Variants in TECPR1 observed in about 807,000 individuals in gnomAD.
TECPR1 encodes the protein tectonin beta-propeller repeat-containing protein 1.
Under a neutral mutation model 162.4 loss-of-function variants are expected in TECPR1, and 122 were observed. That is an observed-to-expected ratio of 0.75 (90% confidence interval 0.65 to 0.87). TECPR1 has a LOEUF of 0.87. Ranked by LOEUF, TECPR1 falls within the 40% of genes least tolerant of loss-of-function variation. The pLI is 0.00. For synonymous variants in TECPR1, 642 were observed against 670.6 expected, an observed-to-expected ratio of 0.96 and a Z score of 0.66; for missense variants, 1,432 against 1,618.2, an observed-to-expected ratio of 0.88 and a Z score of 1.97.
chr7:98,245,076 CG>C lies in TECPR1; in HGVS notation c.226-10del. On this transcript the variant is annotated splice_polypyrimidine_tract_variant and intron_variant, in intron 3 of 25. Coordinates refer to ENST00000447648, the MANE Select transcript of TECPR1 (RefSeq NM_015395.3). ...CCCATGGGATTCCAGCGCTGAGGGC[CG>C]GGGACACAGAGGCGGCCTTGGACCC... is the stretch of plus-strand genomic sequence containing the variant. The C allele has an allele frequency of 6.4e-7, 1 of 1,571,022 alleles. No homozygotes were observed. The highest frequency in any genetic ancestry group is 8.6e-7 in the Non-Finnish European group (1 of 1,159,148).
chr7:98,238,390 A>T (rs940487547), intron 9 of TECPR1, 119 bp downstream of exon 9: 1 of 805,410 alleles, frequency 1.2e-6, no homozygotes, highest in Non-Finnish European at 2.1e-6. Context: ...CTTCTTGCTC[A>T]GTACAATGGA....
intron 2 of TECPR1, among the ~76,000 whole-genome samples, chr7:98,249,037 C>T (rs1393977849): frequency 6.6e-6 from 1 of 151,940 alleles, no homozygotes; most frequent in Non-Finnish European, 1.5e-5. Flanking sequence ...TACAGACCTG[C>T]ACCACCACAT....
Position 98,232,456 on chromosome 7 carries a change from C to A in TECPR1, c.1818+371G>T, listed in dbSNP as rs1439412772. On this transcript the variant is annotated intron_variant, in intron 12 of 25. Transcript: ENST00000447648. The surrounding 1 kb of genome is among the most constrained non-coding windows in gnomAD (Gnocchi z 4.6). ...GTCAGCCCAGGGGTGGGGTCTCCGG[C>A]CGCCCTCTGTGCTAACTCCTTGCAA... Among the ~76,000 whole-genome samples, 1 of 151,950 alleles carries A rather than the reference C, an allele frequency of 6.6e-6. No homozygotes were observed. Among genetic ancestry groups the A allele is most frequent in the Non-Finnish European group, 1.5e-5 (1 of 67,976 alleles).
chr7:98,241,208 C>G lies in TECPR1; in HGVS notation c.694G>C (p.Glu232Gln). The G allele has an allele frequency of 6.2e-7, 1 of 1,612,820 alleles. No individual in the cohort carries two copies. The highest frequency in any genetic ancestry group is 8.5e-7 in the Non-Finnish European group (1 of 1,179,818). The change falls in exon 7 of 26, where the codon GAA becomes CAA. Residue 232 changes from glutamate (E) to glutamine (Q), a missense_variant. By Grantham distance (29) the Glu-to-Gln change is conservative. Transcript: ENST00000447648. The surrounding 1 kb of genome is among the most constrained non-coding windows in gnomAD (Gnocchi z 5.0). ...TCCAGCAGGGACCAGGAGGACCCTT[C>G]GGGGTTGGAGTGGCTGACGTCCTCT... ...YREDVSHSNP[E>Q]GSSWSLLDTP...
At position 98,222,862 on chromosome 7, in the gene TECPR1, G is replaced by A. The variant is rs1207793082; in HGVS notation, c.2928+128C>T. 8 of 1,287,248 alleles carry A rather than the reference G, an allele frequency of 6.2e-6. No individual in the cohort carries two copies. In the South Asian group the frequency reaches 7.9e-5, roughly 13 times the overall value. The allele number at this position is 1,287,248 out of a possible 1,614,324, so 79.7% of individuals were successfully genotyped here. A position where few individuals can be genotyped will look rare whatever the true frequency, so the allele number is the denominator to read the frequency against. On this transcript the variant is annotated intron_variant, in intron 21 of 25. Coordinates refer to ENST00000447648, the MANE Select transcript of TECPR1 (RefSeq NM_015395.3). ...CCTGGGCCAACTGCCCCAGGGCACA[G>A]GGACCCACTCGGACCACAGGCAGTG...
At chr7:98,243,757 G>A (rs537490329) in intron 5 of TECPR1, among the ~76,000 whole-genome samples, 165 bp from the exon 6 acceptor site, 78 of 152,270 alleles carry the variant, frequency 5.1e-4, no homozygotes, top group African/African-American at 1.7e-3. Context: ...GCCCCTGCCC[G>A]GCTAATTTTT....
intron 15 of TECPR1, among the ~76,000 whole-genome samples, chr7:98,229,633 C>T (rs987189183): frequency 2.7e-5 from 4 of 150,816 alleles, no homozygotes; most frequent in Non-Finnish European, 5.9e-5. Context: ...AGGGTGTCAG[C>T]GGGAGGCGGT....
intron 23 of TECPR1, among the ~76,000 whole-genome samples, chr7:98,220,022 G>A (rs1798104336): frequency 6.7e-6 from 1 of 150,372 alleles, no homozygotes; most frequent in Non-Finnish European, 1.5e-5. Flanking sequence ...CTTTATTTCT[G>A]CAAGACTGGC....
At chr7:98,222,278 G>A in intron 22 of TECPR1, 108 bp downstream of exon 22, 1 of 1,431,150 alleles carries the variant, frequency 7.0e-7, no homozygotes, top group Admixed American at 2.3e-5. Flanking sequence ...TCCCACTTCT[G>A]GGGGAAGTCC....
Position 98,217,995 on chromosome 7 carries a change from A to G in TECPR1, c.3205T>C (p.Ser1069Pro). Reference protein sequence around the residue: ...QGITPSYPQGSSWEHVSNNVC... With the variant: ...QGITPSYPQGPSWEHVSNNVC... ...TTGTTGGACACGTGCTCCCAGCTGG[A>G]GCCCTGCGGGTAGCTGGGCGTGATC... is the stretch of plus-strand genomic sequence containing the variant. The change falls in exon 24 of 26, where the codon TCC (serine) becomes CCC (proline). Residue 1069 changes from serine to proline, a missense_variant. Physicochemically the swap from Ser to Pro is moderately conservative, Grantham distance 74 (BLOSUM62 -1). Transcript: ENST00000447648. 6.4e-7 allele frequency: 1 copy of G among 1,567,948 alleles called. No homozygotes were observed. The highest frequency in any genetic ancestry group is 1.2e-5 in the South Asian group (1 of 85,044).
rs919587801 is a variant in TECPR1, at chr7:98,232,081, G to A, written c.1819-122C>T. ...GGGGTAGGGCCCACCCAGCACTCCCGGCTGTCAGCCCAGCTCCCCCTATGC... is the reference window on the plus strand; with the variant it reads ...GGGGTAGGGCCCACCCAGCACTCCCAGCTGTCAGCCCAGCTCCCCCTATGC... On this transcript the variant is annotated intron_variant, in intron 12 of 25. Transcript: ENST00000447648. The surrounding 1 kb of genome is among the most constrained non-coding windows in gnomAD (Gnocchi z 4.6). 8 of 1,053,500 alleles carry A rather than the reference G, an allele frequency of 7.6e-6. No individual in the cohort carries two copies. The highest frequency in any genetic ancestry group is 1.5e-5 in the South Asian group (1 of 65,556). 65.3% of individuals were successfully genotyped at this position (1,053,500 alleles called of 1,614,324 possible).
rs1173499963 is a variant in TECPR1, at chr7:98,221,664, T to C, written c.3154A>G (p.Asn1052Asp). 3.7e-6 allele frequency: 6 copies of C among 1,612,446 alleles called. No homozygotes were observed. Among genetic ancestry groups the C allele is most frequent in the Non-Finnish European group, 5.1e-6 (6 of 1,179,682 alleles). ...GQTSVYALDENGNLWYRQGIT... is the reference protein window; with the variant it reads ...GQTSVYALDEDGNLWYRQGIT... ...ATTTAAAAAAAGAGCAACTTGCCAT[T>C]CTCATCCAGGGCATACACCGACGTC... Residue 1052 changes from asparagine (N) to aspartate (D), a missense_variant, in exon 23 of 26, where the codon AAT (asparagine) becomes GAT (aspartate). By Grantham distance (23) the Asn-to-Asp change is conservative. Transcript: ENST00000447648.
At position 98,232,704 on chromosome 7, in the gene TECPR1, GGGC is replaced by G. The variant is rs1798476011; in HGVS notation, c.1818+120_1818+122del. 1 of 1,268,662 alleles carries G rather than the reference GGGC, an allele frequency of 7.9e-7. No individual in the cohort carries two copies. Among genetic ancestry groups the G allele is most frequent in the Admixed American group, 2.8e-5 (1 of 35,700 alleles). 78.6% of individuals were successfully genotyped at this position (1,268,662 alleles called of 1,614,324 possible). On this transcript the variant is annotated intron_variant, in intron 12 of 25. Coordinates refer to ENST00000447648, the MANE Select transcript of TECPR1 (RefSeq NM_015395.3). The surrounding 1 kb of genome is among the most constrained non-coding windows in gnomAD (Gnocchi z 4.6). The stretch of plus-strand genomic sequence containing the variant: ...AGCTCATTTCTCTATGCCTGCATCT[GGGC>G]GGGAGACCAGGGGATGGAGGCATCT...
chr7:98,218,105 C>A lies in TECPR1; in HGVS notation c.3158-63G>T, dbSNP rs1798061000. ...TTCCCGGCCCCTCCTGCCCGTGCGGCCCGGCAGCCGGTGGCCAGGCCCCGC... is the reference window on the plus strand; with the variant it reads ...TTCCCGGCCCCTCCTGCCCGTGCGGACCGGCAGCCGGTGGCCAGGCCCCGC... On this transcript the variant is annotated intron_variant, in intron 23 of 25. Transcript: ENST00000447648. 20 of 1,398,298 alleles carry A rather than the reference C, an allele frequency of 1.4e-5. No individual in the cohort carries two copies. In the South Asian group the frequency reaches 2.6e-4, roughly 18 times the overall value. 86.6% of individuals were successfully genotyped at this position (1,398,298 alleles called of 1,614,324 possible).
chr7:98,234,380 C>A (rs1798536395), intron 10 of TECPR1, among the ~76,000 whole-genome samples: 1 of 152,196 alleles, frequency 6.6e-6, no homozygotes, highest in South Asian at 2.1e-4. Flanking sequence ...TCTTGAACTC[C>A]TGACCTCAAG....
At position 98,225,036 on chromosome 7, in the gene TECPR1, G is replaced by T. The variant is rs1352284451; in HGVS notation, c.2580C>A (p.Gly860=). 2.6e-6 allele frequency: 4 copies of T among 1,558,036 alleles called. No individual in the cohort carries two copies. The highest frequency in any genetic ancestry group is 3.5e-6 in the Non-Finnish European group (4 of 1,153,466). The change falls in exon 18 of 26, where the codon GGC becomes GGA. Residue 860 remains glycine (G), a synonymous_variant. Coordinates refer to ENST00000447648, the MANE Select transcript of TECPR1 (RefSeq NM_015395.3). The part of the protein sequence containing the change: ...ASGLQECTKA[G]TKPPSLQWAW... ...CCCACTGCAGGGACGGGGGCTTCGTGCCAGCCTTCGTGCACTCCTGCAGCC... is the reference window on the plus strand; with the variant it reads ...CCCACTGCAGGGACGGGGGCTTCGTTCCAGCCTTCGTGCACTCCTGCAGCC...
At chr7:98,244,049 C>T (rs1015644008) in intron 5 of TECPR1, among the ~76,000 whole-genome samples, 1 of 152,038 alleles carries the variant, frequency 6.6e-6, no homozygotes, top group Non-Finnish European at 1.5e-5. Flanking sequence ...TGCAACAGAG[C>T]GAGACCCTAT....
At chr7:98,237,572 G>T (rs12531433) in intron 9 of TECPR1, among the ~76,000 whole-genome samples, 3 of 151,878 alleles carry the variant, frequency 2.0e-5, no homozygotes, top group Non-Finnish European at 4.4e-5. Flanking sequence ...AGCTTCAACC[G>T]ATTCTCCTGC....
At position 98,231,293 on chromosome 7, in the gene TECPR1, G is replaced by T; in HGVS notation, c.2055C>A (p.Thr685=). The T allele has an allele frequency of 6.2e-7, 1 of 1,612,836 alleles. No homozygotes were observed. Among genetic ancestry groups the T allele is most frequent in the East Asian group, 2.2e-5 (1 of 44,848 alleles). The part of the protein sequence containing the change: ...NETKHSFALY[T]PERTRQRWPV... ...GCCACCTCTGCCGTGTCCGCTCAGG[G>T]GTGTACAGGGCAAAGGAGTGCTTGG... The change falls in exon 14 of 26, where the codon ACC becomes ACA. Residue 685 remains threonine, a synonymous_variant. Transcript: ENST00000447648.
Sources: gnomAD v4.1 joint callset for allele counts (sites outside exome capture counted in the v4.1 genomes callset) on GRCh38, gnomAD v4.1.1 for gene constraint, Gnocchi (gnomAD v3.1) non-coding constraint, MANE v1.5 for transcripts, NCBI Gene and HGNC (gene_info 2026-07-23, HGNC 2026-07-21) for gene names.